Variants in PDCD11 observed in about 807,000 individuals in gnomAD.
PDCD11 encodes programmed cell death 11.
Under a neutral mutation model 198.9 loss-of-function variants are expected in PDCD11, and 97 were observed. That is an observed-to-expected ratio of 0.49 (90% CI 0.41 to 0.58). The LOEUF is 0.58. PDCD11 is among the 20% of genes least tolerant of loss of function. The pLI is 0.00. For missense variants in PDCD11, 2,102 were observed against 2,312.7 expected (o/e 0.91, Z 1.87); for synonymous variants, 893 against 918.0 (o/e 0.97, Z 0.49).
chr10:103,442,316 C>T lies in PDCD11; in HGVS notation c.4811C>T (p.Ser1604Phe). ...ATGGATCCTGGGCGGCAGCCAGAGT[C>T]CGCGGATGATTTTGACCGACTGGTG... is the stretch of plus-strand genomic sequence containing the variant. Reference protein sequence around the residue: ...ALMDPGRQPESADDFDRLVLS... With the variant: ...ALMDPGRQPEFADDFDRLVLS... The change falls in exon 32 of 36, where the codon TCC (serine) becomes TTC (phenylalanine). Residue 1604 changes from serine (S) to phenylalanine (F), a missense_variant. Transcript: ENST00000369797. 6.2e-7 allele frequency: 1 copy of T among 1,614,232 alleles called. No individual in the cohort carries two copies. Among genetic ancestry groups the T allele is most frequent in the Non-Finnish European group, 8.5e-7 (1 of 1,180,042 alleles).
rs1461580775 is a variant in PDCD11 at position 103,406,739 on chromosome 10, G to T, written c.819G>T (p.Trp273Cys). ...STAIATEQQSWNLNNLLPGLV... is the reference protein window; with the variant it reads ...STAIATEQQSCNLNNLLPGLV... ...CCATTGCTACTGAACAGCAGAGCTGGAACCTTAATAACTTGCTACCAGGAC... is the reference window on the plus strand; with the variant it reads ...CCATTGCTACTGAACAGCAGAGCTGTAACCTTAATAACTTGCTACCAGGAC... Residue 273 changes from tryptophan (W) to cysteine (C), a missense_variant, in exon 7 of 36, where the codon TGG (tryptophan) becomes TGT (cysteine). Coordinates refer to ENST00000369797, the MANE Select transcript of PDCD11 (RefSeq NM_014976.2). 6.2e-7 allele frequency: 1 copy of T among 1,614,058 alleles called. No homozygotes were observed. Among genetic ancestry groups the T allele is most frequent in the Non-Finnish European group, 8.5e-7 (1 of 1,180,040 alleles).
chr10:103,443,389 G>C, intron 33 of PDCD11, 56 bp downstream of exon 33: 1 of 1,509,492 alleles, frequency 6.6e-7, no homozygotes, highest in East Asian at 2.3e-5. Context: ...CAATCTCAGA[G>C]AAGAGCCCCT....
At chr10:103,430,355 C>T (rs561904978) in intron 21 of PDCD11, among the ~76,000 whole-genome samples, 1 of 152,286 alleles carries the variant, frequency 6.6e-6, no homozygotes, top group African/African-American at 2.4e-5. Context: ...TTTGTTTATC[C>T]ACCCATTGGT....
At chr10:103,441,773 A>G (rs1048080295) in intron 30 of PDCD11, 53 bp from the exon 31 acceptor site, 1 of 1,556,802 alleles carries the variant, frequency 6.4e-7, no homozygotes, top group African/African-American at 1.4e-5. Context: ...GCACGGGGGA[A>G]CAGGGAGCAG....
In PDCD11 at chr10:103,432,237, A is replaced by G. The variant is rs1391854107; in HGVS notation, c.3474+3A>G. The G allele has an allele frequency of 6.3e-7, 1 of 1,599,428 alleles. No homozygotes were observed. The highest frequency in any genetic ancestry group is 8.6e-7 in the Non-Finnish European group (1 of 1,166,722). On this transcript the variant is annotated splice_donor_region_variant and intron_variant, in intron 22 of 35. Coordinates refer to ENST00000369797, the MANE Select transcript of PDCD11 (RefSeq NM_014976.2). The stretch of plus-strand genomic sequence containing the variant: ...CTGTTACTTGCTTCTTAAAGAAAGT[A>G]AGTAGTTTTGCCACTCGGCAATGAG...
intron 11 of PDCD11, 147 bp downstream of exon 11, chr10:103,414,477 T>A: frequency 1.6e-6 from 1 of 626,888 alleles, no homozygotes; most frequent in Non-Finnish European, 2.8e-6. Flanking sequence ...AATTTCTTTC[T>A]CTTTCTTTGG....
At chr10:103,436,022 G>GT (rs2032138707) in intron 25 of PDCD11, among the ~76,000 whole-genome samples, 1 of 144,636 alleles carries the variant, frequency 6.9e-6, no homozygotes, top group Admixed American at 6.9e-5. Flanking sequence ...TTGGTCTCTT[G>GT]TTTTTTTCTT....
chr10:103,421,630 CTGT>C (rs747324682), intron 17 of PDCD11, 63 bp downstream of exon 17: 4 of 1,327,406 alleles, frequency 3.0e-6, no homozygotes, highest in Non-Finnish European at 4.2e-6. Flanking sequence ...TAAATTACAC[CTGT>C]TGTTAGGTGA....
intron 32 of PDCD11, 68 bp from the exon 33 acceptor site, chr10:103,443,097 C>T: frequency 7.1e-7 from 1 of 1,399,352 alleles, no homozygotes; most frequent in South Asian, 1.5e-5. Flanking sequence ...GTTCCTGAGT[C>T]TGTCTGGATG....
At chr10:103,437,311 A>T (rs920211057) in intron 25 of PDCD11, among the ~76,000 whole-genome samples, 3 of 151,728 alleles carry the variant, frequency 2.0e-5, no homozygotes, top group East Asian at 1.9e-4. Context: ...CTGGCTTTTT[A>T]AAAAAGTTTT....
At chr10:103,430,923 C>G (rs559211781) in intron 21 of PDCD11, among the ~76,000 whole-genome samples, 1 of 151,918 alleles carries the variant, frequency 6.6e-6, no homozygotes, top group Non-Finnish European at 1.5e-5. Flanking sequence ...CTCAGCCTCC[C>G]GAATAGCTGG....
chr10:103,405,793 A>C (rs2133681009), intron 5 of PDCD11, among the ~76,000 whole-genome samples, 192 bp from the exon 6 acceptor site: 1 of 152,342 alleles, frequency 6.6e-6, no homozygotes, highest in South Asian at 2.1e-4. Context: ...CCTGGCAACC[A>C]TCAGCTCCTT....
chr10:103,420,732 G>A (rs989438986), intron 16 of PDCD11, among the ~76,000 whole-genome samples: 3 of 152,208 alleles, frequency 2.0e-5, no homozygotes, highest in African/African-American at 7.2e-5. Flanking sequence ...CCAGAAACAA[G>A]CCCAGTGAGG....
chr10:103,443,488 C>T (rs1237981096), intron 33 of PDCD11, among the ~76,000 whole-genome samples, 155 bp downstream of exon 33: 1 of 152,176 alleles, frequency 6.6e-6, no homozygotes, highest in Non-Finnish European at 1.5e-5. Flanking sequence ...AGTCATTTCC[C>T]TCACCTCTTC....
chr10:103,435,060 A>G, intron 25 of PDCD11, 85 bp downstream of exon 25: 1 of 1,032,266 alleles, frequency 9.7e-7, no homozygotes, highest in Non-Finnish European at 1.3e-6. Flanking sequence ...ATGACTTTTT[A>G]TCAGAAAAAC....
At chr10:103,403,400 A>G in intron 4 of PDCD11, 115 bp downstream of exon 4, 5 of 933,426 alleles carry the variant, frequency 5.4e-6, no homozygotes, top group Non-Finnish European at 8.0e-6. Context: ...GTGAGAGTTT[A>G]TCATAAAGGA....
At chr10:103,403,353 C>T in intron 4 of PDCD11, 68 bp downstream of exon 4, 3 of 1,457,386 alleles carry the variant, frequency 2.1e-6, no homozygotes, top group Middle Eastern at 3.6e-4. Flanking sequence ...AAAATTACAA[C>T]TTTGCCAGGT....
Position 103,406,805 on chromosome 10 carries a change from T to G in PDCD11, c.870+15T>G. On this transcript the variant is annotated intron_variant, in intron 7 of 35. Coordinates refer to ENST00000369797, the MANE Select transcript of PDCD11 (RefSeq NM_014976.2). ...AGGTACAGAAGGTAAGCTGTTATGC[T>G]ACTACTACTTTTTAAAATAAAAATA... The G allele has an allele frequency of 6.4e-7, 1 of 1,558,678 alleles. No individual in the cohort carries two copies. The highest frequency in any genetic ancestry group is 8.7e-7 in the Non-Finnish European group (1 of 1,151,308).
intron 10 of PDCD11, 29 bp downstream of exon 10, chr10:103,414,119 T>C: frequency 6.2e-7 from 1 of 1,600,070 alleles, no homozygotes; most frequent in Non-Finnish European, 8.5e-7. Context: ...GGTAGGGGTG[T>C]AGAGATGTGC....
Sources: gnomAD v4.1 joint callset for allele counts (sites outside exome capture counted in the v4.1 genomes callset) on GRCh38, gnomAD v4.1.1 for gene constraint, MANE v1.5 for transcripts, NCBI Gene and HGNC (gene_info 2026-07-23, HGNC 2026-07-21) for gene names.